Variants in ELP4 observed in about 807,000 individuals in gnomAD.
ELP4 encodes the protein elongator acetyltransferase complex subunit 4, also known as elongator complex protein 4.
Under a neutral mutation model 48.9 loss-of-function variants are expected in ELP4, and 51 were observed. That is an observed-to-expected ratio of 1.04 (90% CI 0.83 to 1.32). ELP4 has a LOEUF of 1.32. ELP4 is among the 40% of genes most tolerant of loss of function. The pLI, the probability that ELP4 is intolerant of heterozygous loss-of-function variation, is 0.00. For synonymous variants in ELP4, 210 were observed against 189.2 expected (o/e 1.11, Z -0.90); for missense variants, 519 against 514.6 (o/e 1.01, Z -0.08).
At chr11:31,739,515 G>A (rs748535256) in intron 9 of ELP4, among the ~76,000 whole-genome samples, 5 of 152,016 alleles carry the variant, frequency 3.3e-5, no homozygotes, top group Non-Finnish European at 7.4e-5. Flanking sequence ...TTTTTTGTTG[G>A]TGTGTAAGGT....
chr11:31,694,496 G>A (rs1166088165), intron 9 of ELP4, among the ~76,000 whole-genome samples: 2 of 152,014 alleles, frequency 1.3e-5, no homozygotes, highest in Non-Finnish European at 2.9e-5. Flanking sequence ...TATTTCTGAG[G>A]GCTCTGTTCT....
At chr11:31,693,350 CT>C (rs1208628068) in intron 9 of ELP4, among the ~76,000 whole-genome samples, 1 of 151,994 alleles carries the variant, frequency 6.6e-6, no homozygotes, top group Admixed American at 6.6e-5. Flanking sequence ...TAATATTCCC[CT>C]TCCTGTGTCT....
intron 9 of ELP4, chr11:31,651,035 A>C (rs1418130580): frequency 4.0e-5 from 6 of 151,656 alleles, no homozygotes; most frequent in African/African-American, 1.5e-4. Context: ...TGAAACCATA[A>C]AAAGAGAGAA....
chr11:31,570,209 T>C (rs1957172524), intron 3 of ELP4, among the ~76,000 whole-genome samples: 2 of 152,208 alleles, frequency 1.3e-5, no homozygotes, highest in Admixed American at 1.3e-4. Context: ...TGCAGCAACA[T>C]GGATGTAGCT....
At chr11:31,541,445 G>C (rs1249739486) in intron 3 of ELP4, 1 of 151,988 alleles carries the variant, frequency 6.6e-6, no homozygotes, top group African/African-American at 2.4e-5. Flanking sequence ...ACACTTGCTA[G>C]GAGCAGTGGA....
intron 9 of ELP4, among the ~76,000 whole-genome samples, chr11:31,665,310 C>T (rs1485608811): frequency 6.6e-6 from 1 of 152,114 alleles, no homozygotes; most frequent in East Asian, 1.9e-4. Context: ...TGACACAAGA[C>T]TTAAACTATG....
At chr11:31,528,175 G>T (rs186883933) in intron 2 of ELP4, among the ~76,000 whole-genome samples, 1 of 151,826 alleles carries the variant, frequency 6.6e-6, no homozygotes, top group African/African-American at 2.4e-5. Flanking sequence ...TTTACATCAG[G>T]TAATCATGAA....
chr11:31,629,327 C>G (rs573324346), intron 6 of ELP4, among the ~76,000 whole-genome samples: 1 of 151,362 alleles, frequency 6.6e-6, no homozygotes, highest in East Asian at 1.9e-4. Flanking sequence ...CACAGTATGC[C>G]CCATTATTAT....
At chr11:31,562,916 G>A (rs745348952) in intron 3 of ELP4, among the ~76,000 whole-genome samples, 10 of 151,832 alleles carry the variant, frequency 6.6e-5, no homozygotes, top group Non-Finnish European at 1.2e-4. Flanking sequence ...GATAATACAG[G>A]GAATATACTA....
chr11:31,539,121 G>A (rs563709122), intron 2 of ELP4, among the ~76,000 whole-genome samples: 17 of 152,254 alleles, frequency 1.1e-4, no homozygotes, highest in African/African-American at 3.9e-4. Flanking sequence ...GGATATCAAA[G>A]TGATGTAGTA....
intron 9 of ELP4, among the ~76,000 whole-genome samples, chr11:31,755,415 C>T (rs550306202): frequency 6.6e-6 from 1 of 152,274 alleles, no homozygotes; most frequent in South Asian, 2.1e-4. Context: ...AGAAACCTGA[C>T]AGACACCAAC....
At chr11:31,629,112 A>G (rs943150640) in intron 6 of ELP4, among the ~76,000 whole-genome samples, 1 of 152,036 alleles carries the variant, frequency 6.6e-6, no homozygotes, top group African/African-American at 2.4e-5. Flanking sequence ...CTCATCTGTA[A>G]AAATAATTAG....
At chr11:31,678,378 G>A (rs915279075) in intron 9 of ELP4, among the ~76,000 whole-genome samples, 7 of 152,124 alleles carry the variant, frequency 4.6e-5, no homozygotes, top group Non-Finnish European at 8.8e-5. Flanking sequence ...GAGCCTAAAA[G>A]GTCAAGGTTG....
chr11:31,522,705 T>C (rs894841922), intron 2 of ELP4, among the ~76,000 whole-genome samples: 1 of 152,220 alleles, frequency 6.6e-6, no homozygotes, highest in Middle Eastern at 3.2e-3. Context: ...GTAGCTATTA[T>C]TAGATTGCTC....
intron 3 of ELP4, among the ~76,000 whole-genome samples, chr11:31,592,160 G>A: frequency 6.6e-6 from 1 of 152,148 alleles, no homozygotes; most frequent in East Asian, 1.9e-4. Context: ...AGATAGTGGT[G>A]ATGGTTACAC....
intron 9 of ELP4, among the ~76,000 whole-genome samples, chr11:31,691,972 CA>C (rs755410177): frequency 1.3e-5 from 2 of 152,106 alleles, no homozygotes; most frequent in East Asian, 3.8e-4. Context: ...TCATTCAAAC[CA>C]ATAGGAGAAT....
intron 3 of ELP4, among the ~76,000 whole-genome samples, chr11:31,546,280 A>T (rs1393522381): frequency 1.3e-5 from 2 of 152,048 alleles, no homozygotes; most frequent in Admixed American, 6.5e-5. Context: ...AAATAAAAGG[A>T]TGGAGGAAGA....
At chr11:31,763,561 C>T (rs1450037697) in intron 9 of ELP4, 4 of 1,568,870 alleles carry the variant, frequency 2.5e-6, no homozygotes, top group Non-Finnish European at 1.7e-6. Context: ...TATGGGCTTT[C>T]CCTTTTTTCA....
chr11:31,776,809 A>G (rs1024083394), intron 9 of ELP4, among the ~76,000 whole-genome samples: 1 of 152,226 alleles, frequency 6.6e-6, no homozygotes, highest in Non-Finnish European at 1.5e-5. Context: ...ATGACATTCA[A>G]TAAAATTCAA....
Sources: gnomAD v4.1 joint callset for allele counts (sites outside exome capture counted in the v4.1 genomes callset) on GRCh38, gnomAD v4.1.1 for gene constraint, MANE v1.5 for transcripts, NCBI Gene and HGNC (gene_info 2026-07-23, HGNC 2026-07-21) for gene names.